Variants in PCDH15 observed in about 807,000 individuals in gnomAD.
PCDH15 encodes protocadherin related 15.
A neutral mutation model predicts 178.5 loss-of-function variants in PCDH15; 129 were observed. The observed-to-expected ratio is 0.72, with a 90% confidence interval of 0.63 to 0.84. The LOEUF is 0.84. Among genes scored for constraint, PCDH15 ranks in the 40% least tolerant of loss-of-function variants. The pLI is 0.00. For missense variants in PCDH15, 2,230 were observed against 2,099.9 expected, an observed-to-expected ratio of 1.06 and a Z score of -1.21; for synonymous variants, 800 against 732.0, an observed-to-expected ratio of 1.09 and a Z score of -1.50.
intron 3 of PCDH15, among the ~76,000 whole-genome samples, chr10:54,498,037 A>T (rs984486420): frequency 1.3e-5 from 2 of 152,074 alleles, no homozygotes; most frequent in Non-Finnish European, 2.9e-5. Context: ...AAAGAAAAAA[A>T]ATATTAAAGG....
chr10:55,044,697 A>T (rs906151406), intron 2 of PCDH15, among the ~76,000 whole-genome samples: 1 of 152,154 alleles, frequency 6.6e-6, no homozygotes, highest in African/African-American at 2.4e-5. Flanking sequence ...TTTTATATAC[A>T]TAAGTCTACA....
rs535280618 is a variant in PCDH15, at chr10:54,153,261, A to T, written c.1623T>A (p.Asn541Lys). Residue 541 changes from asparagine to lysine, a missense_variant, in exon 14 of 38, where the codon AAT (asparagine) becomes AAA (lysine). Physicochemically the swap from Asn to Lys is moderately conservative, Grantham distance 94. Coordinates refer to ENST00000644397, the MANE Select transcript of PCDH15 (RefSeq NM_001384140.1). ...CAAGGATTTCATATGTGATCTCCCC[A>T]TTTGACCCTTCGTCTGCGTCGACTG... ...LTAVDADEGSNGEITYEILVG... is the reference protein window; with the variant it reads ...LTAVDADEGSKGEITYEILVG... 6.2e-7 allele frequency: 1 copy of T among 1,613,826 alleles called. No homozygotes were observed.
At chr10:54,014,673 TC>T (rs1320006123) in intron 20 of PCDH15, among the ~76,000 whole-genome samples, 1 of 152,150 alleles carries the variant, frequency 6.6e-6, no homozygotes, top group Non-Finnish European at 1.5e-5. Flanking sequence ...CATGATCATC[TC>T]ACTAGATGCA....
chr10:55,529,740 A>AATAT (rs1841400952), intron 2 of PCDH15, among the ~76,000 whole-genome samples: 9 of 19,918 alleles, frequency 4.5e-4, no homozygotes, highest in African/African-American at 2.0e-3. Context: ...TTTGTCTGTG[A>AATAT]GTATATATAT....
intron 2 of PCDH15, among the ~76,000 whole-genome samples, chr10:54,978,064 C>T (rs1027107691): frequency 1.3e-5 from 2 of 152,008 alleles, no homozygotes; most frequent in South Asian, 2.1e-4. Flanking sequence ...GAATTAAATT[C>T]GAGAAAGCAC....
At chr10:55,069,422 T>TCCC (rs1841662661) in intron 2 of PCDH15, among the ~76,000 whole-genome samples, 1 of 120,418 alleles carries the variant, frequency 8.3e-6, no homozygotes, top group African/African-American at 3.1e-5. Context: ...TGCTATCCCT[T>TCCC]CCCCCTCCCC....
At chr10:54,503,262 T>TGC (rs1254847742) in intron 3 of PCDH15, among the ~76,000 whole-genome samples, 1 of 121,256 alleles carries the variant, frequency 8.2e-6, no homozygotes. Flanking sequence ...TGTGTGTGTG[T>TGC]GTGATTATAT....
intron 2 of PCDH15, among the ~76,000 whole-genome samples, chr10:55,553,641 G>C (rs1012518912): frequency 2.6e-5 from 4 of 151,800 alleles, no homozygotes; most frequent in Non-Finnish European, 5.9e-5. Flanking sequence ...CATTAGCTGT[G>C]AGAACAAGGA....
chr10:55,120,955 G>A (rs1837751823), intron 2 of PCDH15, among the ~76,000 whole-genome samples: 2 of 152,208 alleles, frequency 1.3e-5, no homozygotes, highest in African/African-American at 4.8e-5. Flanking sequence ...AACCATCACA[G>A]TGGTGGGGCT....
At chr10:53,949,742 G>A (rs999796979) in intron 23 of PCDH15, among the ~76,000 whole-genome samples, 2 of 151,384 alleles carry the variant, frequency 1.3e-5, no homozygotes, top group Non-Finnish European at 2.9e-5. Context: ...AAAAAAAAAT[G>A]ATGGCTATGT....
intron 2 of PCDH15, chr10:54,600,599 C>T: frequency 3.4e-6 from 2 of 586,216 alleles, no homozygotes; most frequent in South Asian, 2.8e-5. Context: ...ATGAAGAGAC[C>T]TTTGAGGAGA....
At chr10:54,775,777 CGGAGA>C (rs1949626930) in intron 1 of PCDH15, among the ~76,000 whole-genome samples, 1 of 152,060 alleles carries the variant, frequency 6.6e-6, no homozygotes, top group Non-Finnish European at 1.5e-5. Context: ...CCCAGCTACT[CGGAGA>C]GGCTGAGGCA....
chr10:54,959,888 T>C (rs1022747233), intron 2 of PCDH15, among the ~76,000 whole-genome samples: 1 of 152,152 alleles, frequency 6.6e-6, no homozygotes. Context: ...TATCAGTTTG[T>C]TGACTCTCAT....
intron 21 of PCDH15, among the ~76,000 whole-genome samples, chr10:53,968,819 G>A (rs1013491087): frequency 6.6e-6 from 1 of 152,118 alleles, no homozygotes. Context: ...CTAACAAACA[G>A]AAAGGATATC....
intron 23 of PCDH15, among the ~76,000 whole-genome samples, chr10:53,942,805 T>G (rs539397246): frequency 6.6e-6 from 1 of 152,194 alleles, no homozygotes; most frequent in Non-Finnish European, 1.5e-5. Context: ...AGGACACAGC[T>G]AACCCATGCC....
intron 1 of PCDH15, among the ~76,000 whole-genome samples, chr10:54,692,904 A>G (rs1343131014): frequency 6.6e-6 from 1 of 152,140 alleles, no homozygotes; most frequent in Non-Finnish European, 1.5e-5. Context: ...TAAAACAACA[A>G]CAATAACAAC....
intron 3 of PCDH15, among the ~76,000 whole-genome samples, chr10:54,896,707 C>G (rs1954551836): frequency 6.6e-6 from 1 of 152,182 alleles, no homozygotes; most frequent in African/African-American, 2.4e-5. Context: ...TTAGCAACCA[C>G]TCAGGCAGAA....
chr10:54,112,650 G>A (rs747340983), intron 15 of PCDH15, among the ~76,000 whole-genome samples: 2 of 152,076 alleles, frequency 1.3e-5, no homozygotes, highest in East Asian at 1.9e-4. Context: ...TTTCAGGCAG[G>A]TGGAGACATA....
intron 6 of PCDH15, among the ~76,000 whole-genome samples, chr10:54,331,952 A>G (rs2133919240): frequency 6.6e-6 from 1 of 151,886 alleles, no homozygotes; most frequent in East Asian, 1.9e-4. Context: ...TTAATTGCAA[A>G]GATAGAGAGA....
Sources: gnomAD v4.1 joint callset for allele counts (sites outside exome capture counted in the v4.1 genomes callset) on GRCh38, gnomAD v4.1.1 for gene constraint, MANE v1.5 for transcripts, NCBI Gene and HGNC (gene_info 2026-07-23, HGNC 2026-07-21) for gene names.